Variants in GPR158 observed in about 807,000 individuals in gnomAD.
GPR158 encodes the protein metabotropic glycine receptor.
In GPR158, 30 loss-of-function variants were observed where a neutral mutation model predicts 78.2. That is an observed-to-expected ratio of 0.38 (90% CI 0.29 to 0.52). The LOEUF is 0.52. Among genes scored for constraint, GPR158 ranks in the 20% least tolerant of loss-of-function variants. GPR158 has a pLI of 0.83. For missense variants in GPR158, 1,463 were observed against 1,523.5 expected, an observed-to-expected ratio of 0.96 and a Z score of 0.66; for synonymous variants, 581 against 591.1, an observed-to-expected ratio of 0.98 and a Z score of 0.25.
chr10:25,256,871 G>A (rs1440168094), intron 2 of GPR158, among the ~76,000 whole-genome samples: 1 of 152,000 alleles, frequency 6.6e-6, no homozygotes, highest in Non-Finnish European at 1.5e-5. Context: ...TATTCTAGCA[G>A]AATAAACATA....
intron 5 of GPR158, among the ~76,000 whole-genome samples, chr10:25,501,541 G>A (rs1835946185): frequency 6.6e-6 from 1 of 152,146 alleles, no homozygotes; most frequent in African/African-American, 2.4e-5. Flanking sequence ...CAGATAGTAG[G>A]CACGTATGAA....
At chr10:25,192,735 G>A (rs939439178) in intron 1 of GPR158, among the ~76,000 whole-genome samples, 8 of 150,432 alleles carry the variant, frequency 5.3e-5, no homozygotes, top group African/African-American at 9.8e-5. Context: ...TTTTGAGGGC[G>A]CACATGTACC....
chr10:25,532,740 T>TAAAAAAA (rs5783940), intron 5 of GPR158, among the ~76,000 whole-genome samples: 8 of 147,814 alleles, frequency 5.4e-5, no homozygotes, highest in African/African-American at 2.0e-4. Context: ...ACATTTGTTG[T>TAAAAAAA]AAAAAAAAAA....
At chr10:25,350,737 ACCTGAATGCTGGAGAGCATC>A (rs1236265411) in intron 2 of GPR158, among the ~76,000 whole-genome samples, 1 of 151,930 alleles carries the variant, frequency 6.6e-6, no homozygotes, top group Non-Finnish European at 1.5e-5. Flanking sequence ...TCAGGATTAG[ACCTGAATGCTGGAGAGCATC>A]AGTTGGTGAC....
At chr10:25,484,382 T>G (rs1424016656) in intron 5 of GPR158, among the ~76,000 whole-genome samples, 3 of 152,158 alleles carry the variant, frequency 2.0e-5, no homozygotes, top group Non-Finnish European at 4.4e-5. Flanking sequence ...ACTCAAAAAT[T>G]GTAACATTAA....
chr10:25,348,849 G>T (rs1855413864), intron 2 of GPR158, among the ~76,000 whole-genome samples: 1 of 152,020 alleles, frequency 6.6e-6, no homozygotes, highest in Non-Finnish European at 1.5e-5. Context: ...TTGCTTTGAA[G>T]ATTCACTCTA....
intron 5 of GPR158, among the ~76,000 whole-genome samples, chr10:25,503,444 C>T (rs1213910967): frequency 6.6e-6 from 1 of 152,068 alleles, no homozygotes; most frequent in Non-Finnish European, 1.5e-5. Context: ...GGACATATTG[C>T]CCTTTGCCTT....
intron 5 of GPR158, among the ~76,000 whole-genome samples, chr10:25,469,143 T>C (rs1835460726): frequency 6.6e-6 from 1 of 152,186 alleles, no homozygotes; most frequent in Non-Finnish European, 1.5e-5. Flanking sequence ...CTTGAATGCC[T>C]CAGGACTGAG....
At chr10:25,584,877 G>A (rs1286084814) in intron 7 of GPR158, among the ~76,000 whole-genome samples, 1 of 152,202 alleles carries the variant, frequency 6.6e-6, no homozygotes, top group African/African-American at 2.4e-5. Flanking sequence ...AAACCAAAGG[G>A]AGGTTGTGGG....
At chr10:25,441,315 G>T (rs1489309706) in intron 4 of GPR158, among the ~76,000 whole-genome samples, 4 of 152,190 alleles carry the variant, frequency 2.6e-5, no homozygotes, top group African/African-American at 9.6e-5. Flanking sequence ...AGCAAAACGT[G>T]TACTGGCCAT....
At chr10:25,229,357 T>G (rs1000597850) in intron 2 of GPR158, among the ~76,000 whole-genome samples, 6 of 152,170 alleles carry the variant, frequency 3.9e-5, no homozygotes, top group Admixed American at 6.6e-5. Context: ...AGTGGATGGA[T>G]TCACAGTAAA....
rs751086851 is a variant in GPR158, at chr10:25,596,671, A to C, written c.2027A>C (p.Asp676Ala). ...KFSHSSNNPR[D>A]DIATEAYEDE... is the part of the protein sequence containing the mutation. ...TCACATTCAAGCAATAACCCACGAGATGATATTGCTACAGAAGCATATGAG... is the reference window on the plus strand; with the variant it reads ...TCACATTCAAGCAATAACCCACGAGCTGATATTGCTACAGAAGCATATGAG... The change falls in exon 10 of 11, where the codon GAT (aspartate) becomes GCT (alanine). Residue 676 changes from aspartate (D) to alanine (A), a missense_variant. Coordinates refer to ENST00000376351, the MANE Select transcript of GPR158 (RefSeq NM_020752.3). The C allele has an allele frequency of 6.2e-7, 1 of 1,613,364 alleles. No homozygotes were observed. Among genetic ancestry groups the C allele is most frequent in the East Asian group, 2.2e-5 (1 of 44,866 alleles).
chr10:25,249,796 G>C (rs1205118656), intron 2 of GPR158, among the ~76,000 whole-genome samples: 1 of 151,688 alleles, frequency 6.6e-6, no homozygotes, highest in Admixed American at 6.6e-5. Flanking sequence ...GTCTCTGCCC[G>C]GCTTTGGTAT....
intron 4 of GPR158, among the ~76,000 whole-genome samples, chr10:25,425,994 TTA>T (rs1206887444): frequency 3.9e-5 from 6 of 152,130 alleles, no homozygotes; most frequent in Non-Finnish European, 5.9e-5. Context: ...CAATTGTTCT[TTA>T]TGTTTTCTCT....
intron 5 of GPR158, among the ~76,000 whole-genome samples, chr10:25,514,676 G>A (rs903049394): frequency 1.3e-5 from 2 of 152,118 alleles, no homozygotes; most frequent in Admixed American, 6.5e-5. Context: ...TCAAGATTTA[G>A]AGCTCCTTTT....
intron 2 of GPR158, among the ~76,000 whole-genome samples, chr10:25,254,200 G>C (rs1853861915): frequency 6.6e-6 from 1 of 152,118 alleles, no homozygotes; most frequent in East Asian, 1.9e-4. Context: ...AATCAAGGCT[G>C]TCTTTACAAA....
chr10:25,313,305 G>A (rs1026471610), intron 2 of GPR158, among the ~76,000 whole-genome samples: 1 of 150,486 alleles, frequency 6.6e-6, no homozygotes, highest in South Asian at 2.1e-4. Context: ...GCTAAATGAC[G>A]AGTTAATGGG....
intron 2 of GPR158, among the ~76,000 whole-genome samples, chr10:25,278,065 C>T (rs1201847462): frequency 6.6e-6 from 1 of 151,996 alleles, no homozygotes; most frequent in African/African-American, 2.4e-5. Context: ...CTGAGTTTAG[C>T]CAAATAATAT....
intron 2 of GPR158, among the ~76,000 whole-genome samples, chr10:25,380,913 T>C (rs1372319551): frequency 1.3e-5 from 2 of 152,108 alleles, no homozygotes; most frequent in African/African-American, 4.8e-5. Flanking sequence ...ACTTGGAGAG[T>C]AAGGAAAAGT....
Sources: gnomAD v4.1 joint callset for allele counts (sites outside exome capture counted in the v4.1 genomes callset) on GRCh38, gnomAD v4.1.1 for gene constraint, MANE v1.5 for transcripts, NCBI Gene and HGNC (gene_info 2026-07-23, HGNC 2026-07-21) for gene names.